MYT1L: variants seen among roughly 807,000 people sequenced by gnomAD.
MYT1L encodes myelin transcription factor 1 like, also known as myelin transcription factor 1-like protein.
In MYT1L, 12 loss-of-function variants were observed where a neutral mutation model predicts 126.7. That is an observed-to-expected ratio of 0.09 (90% confidence interval 0.06 to 0.15). The LOEUF is 0.15. Among genes scored for constraint, MYT1L ranks in the 10% least tolerant of loss-of-function variants. The pLI is 1.00. For synonymous variants in MYT1L, 541 were observed against 604.2 expected, an observed-to-expected ratio of 0.90 and a Z score of 1.53; for missense variants, 979 against 1,585.2, an observed-to-expected ratio of 0.62 and a Z score of 6.49.
intron 3 of MYT1L, among the ~76,000 whole-genome samples, chr2:2,062,954 T>C (rs1454627876): frequency 2.0e-5 from 3 of 152,184 alleles, no homozygotes; most frequent in Admixed American, 2.0e-4. Context: ...GTGGTTGTTT[T>C]CTCTCCATTT....
intron 3 of MYT1L, among the ~76,000 whole-genome samples, chr2:2,137,714 T>C (rs2083273970): frequency 6.6e-6 from 1 of 152,130 alleles, no homozygotes; most frequent in Non-Finnish European, 1.5e-5. Flanking sequence ...GACTTAAACA[T>C]TAGACCTAAA....
intron 3 of MYT1L, among the ~76,000 whole-genome samples, chr2:2,123,717 A>C (rs2081331104): frequency 6.6e-6 from 1 of 152,174 alleles, no homozygotes. Flanking sequence ...TTTATAAATT[A>C]CTTAGTCTCG....
chr2:2,244,200 G>A (rs1043295488), intron 2 of MYT1L, among the ~76,000 whole-genome samples: 7 of 152,094 alleles, frequency 4.6e-5, no homozygotes, highest in South Asian at 2.1e-4. Context: ...AATGCTGACC[G>A]GTCTTTGTTG....
At chr2:2,319,742 C>T (rs1277054482) in intron 1 of MYT1L, among the ~76,000 whole-genome samples, 1 of 150,610 alleles carries the variant, frequency 6.6e-6, no homozygotes, top group East Asian at 1.9e-4. Context: ...TATGATTACC[C>T]TTTATCAGAA....
At chr2:1,958,326 C>A (rs1191494878) in intron 8 of MYT1L, among the ~76,000 whole-genome samples, 1 of 149,702 alleles carries the variant, frequency 6.7e-6, no homozygotes, top group Non-Finnish European at 1.5e-5. Context: ...CCCAGAGAAC[C>A]AGAGGAAGAG....
At chr2:1,834,229 C>T (rs1381046371) in intron 21 of MYT1L, among the ~76,000 whole-genome samples, 3 of 152,164 alleles carry the variant, frequency 2.0e-5, no homozygotes, top group Admixed American at 6.5e-5. Flanking sequence ...CCAATCTTGA[C>T]GTGCCCGCGG....
chr2:2,048,904 G>T (rs758354773), intron 4 of MYT1L, among the ~76,000 whole-genome samples: 1 of 152,126 alleles, frequency 6.6e-6, no homozygotes, highest in African/African-American at 2.4e-5. Context: ...GGTGGCCTGT[G>T]ACTTTGATAA....
intron 2 of MYT1L, among the ~76,000 whole-genome samples, chr2:2,252,559 A>G (rs1233748149): frequency 3.9e-5 from 6 of 152,236 alleles, no homozygotes; most frequent in Admixed American, 6.5e-5. Context: ...TTTTAATTCT[A>G]TAACAGATTT....
intron 2 of MYT1L, among the ~76,000 whole-genome samples, chr2:2,216,921 T>G (rs2148948329): frequency 6.6e-6 from 1 of 152,126 alleles, no homozygotes; most frequent in South Asian, 2.1e-4. Context: ...ATTCAATAAC[T>G]TAGGGGAAAT....
In MYT1L at chr2:1,790,061, G is replaced by A. The variant is rs2031780095; in HGVS notation, c.*1806C>T. On this transcript the variant is annotated 3_prime_UTR_variant, in exon 25 of 25. Transcript: ENST00000647738. ...TTGCAACATTATTGATCAGCCGTGA[G>A]GGCTCCTCTATAATCCATCCAGGTT... 1 of 152,138 alleles carries A rather than the reference G, an allele frequency of 6.6e-6. No homozygotes were observed. The highest frequency in any genetic ancestry group is 2.1e-4 in the South Asian group (1 of 4,824). 9.4% of individuals were successfully genotyped at this position (152,138 alleles called of 1,614,324 possible). A position where few individuals can be genotyped will look rare whatever the true frequency, so the allele number is the denominator to read the frequency against.
chr2:1,792,044 T>C (rs1002227291), intron 24 of MYT1L, 37 bp from the exon 25 acceptor site: 1 of 1,445,198 alleles, frequency 6.9e-7, no homozygotes, highest in Non-Finnish European at 9.3e-7. Context: ...ATACAACTTT[T>C]ATTTTCTTAA....
chr2:2,196,706 A>C (rs1455104019), intron 2 of MYT1L, among the ~76,000 whole-genome samples: 1 of 152,038 alleles, frequency 6.6e-6, no homozygotes, highest in Non-Finnish European at 1.5e-5. Context: ...TTAGAAAGTC[A>C]ATAAAACCTA....
chr2:2,044,959 C>G (rs773932300), intron 4 of MYT1L, among the ~76,000 whole-genome samples: 13 of 152,244 alleles, frequency 8.5e-5, no homozygotes, highest in Non-Finnish European at 1.2e-4. Flanking sequence ...TCTGTGCTTG[C>G]AAGGATGATG....
chr2:2,270,829 C>T (rs2095248791), intron 2 of MYT1L, among the ~76,000 whole-genome samples: 1 of 152,184 alleles, frequency 6.6e-6, no homozygotes, highest in East Asian at 1.9e-4. Flanking sequence ...GAGATGTCAC[C>T]GAGACTGAGC....
chr2:2,188,776 G>A (rs1314604925), intron 2 of MYT1L, among the ~76,000 whole-genome samples: 2 of 152,170 alleles, frequency 1.3e-5, no homozygotes, highest in African/African-American at 4.8e-5. Flanking sequence ...GAGAGAAGAA[G>A]CTGTCATCTT....
intron 19 of MYT1L, among the ~76,000 whole-genome samples, chr2:1,843,799 C>T (rs937026435): frequency 3.3e-5 from 5 of 152,178 alleles, no homozygotes; most frequent in African/African-American, 1.2e-4. Context: ...CTGAGTCACT[C>T]CCTGTGGACT....
At chr2:1,873,949 A>G (rs2046555246) in intron 18 of MYT1L, among the ~76,000 whole-genome samples, 2 of 152,092 alleles carry the variant, frequency 1.3e-5, no homozygotes, top group Non-Finnish European at 2.9e-5. Context: ...AGGGATGGTC[A>G]AAGATACCGG....
At chr2:2,245,012 C>A (rs369956399) in intron 2 of MYT1L, among the ~76,000 whole-genome samples, 2 of 152,182 alleles carry the variant, frequency 1.3e-5, no homozygotes, top group Admixed American at 6.5e-5. Flanking sequence ...GCATACTCAA[C>A]AGGAATGGAC....
intron 14 of MYT1L, among the ~76,000 whole-genome samples, chr2:1,892,877 A>G (rs964356861): frequency 1.2e-4 from 19 of 152,238 alleles, no homozygotes; most frequent in African/African-American, 4.3e-4. Flanking sequence ...CTGGCTGGGC[A>G]TGCAGACCAG....
Sources: gnomAD v4.1 joint callset for allele counts (sites outside exome capture counted in the v4.1 genomes callset) on GRCh38, gnomAD v4.1.1 for gene constraint, MANE v1.5 for transcripts, NCBI Gene and HGNC (gene_info 2026-07-23, HGNC 2026-07-21) for gene names.